GNAO1: variants seen among roughly 807,000 people sequenced by gnomAD.
The protein encoded by GNAO1 is guanine nucleotide-binding protein G(o) subunit alpha.
For missense variants in GNAO1, 166 were observed against 478.7 expected (o/e 0.35, Z 6.10); for synonymous variants, 164 against 180.7 (o/e 0.91, Z 0.74).
At chr16:56,263,272 T>C (rs898413735) in intron 2 of GNAO1, among the ~76,000 whole-genome samples, 3 of 152,212 alleles carry the variant, frequency 2.0e-5, no homozygotes, top group African/African-American at 7.2e-5. Flanking sequence ...AAAGGAGTTA[T>C]ATGTGGAGCC....
intron 3 of GNAO1, among the ~76,000 whole-genome samples, chr16:56,279,217 A>G (rs2037092173): frequency 6.6e-6 from 1 of 152,174 alleles, no homozygotes; most frequent in South Asian, 2.1e-4. Context: ...TAGAACAGGT[A>G]GGTGTCCCTG....
In GNAO1 at chr16:56,326,985, G is replaced by A. The variant is rs974747236; in HGVS notation, c.304-1646G>A. On this transcript the variant is annotated intron_variant, in intron 3 of 8. Transcript: ENST00000262493. The surrounding 1 kb of genome is among the most constrained non-coding windows in gnomAD (Gnocchi z 4.8). ...GGAGTCCGAAGGCACCTCATCTTGA[G>A]TCCCACCCCTGCCACTCACCATCGG... 1.3e-5 allele frequency among the ~76,000 whole-genome samples: 2 copies of A among 152,132 alleles called. No individual in the cohort carries two copies. The highest frequency in any genetic ancestry group is 2.9e-5 in the Non-Finnish European group (2 of 68,016).
intron 2 of GNAO1, among the ~76,000 whole-genome samples, chr16:56,257,949 T>C (rs1408732089): frequency 6.6e-6 from 1 of 152,228 alleles, no homozygotes; most frequent in African/African-American, 2.4e-5. Flanking sequence ...GACCAGCATG[T>C]CCGATTCTTC....
chr16:56,284,343 G>A (rs1478959049), intron 3 of GNAO1, among the ~76,000 whole-genome samples: 9 of 152,236 alleles, frequency 5.9e-5, no homozygotes, highest in South Asian at 2.1e-4. Flanking sequence ...AGGCTGGATC[G>A]GGCCGCAAGC....
intron 3 of GNAO1, among the ~76,000 whole-genome samples, chr16:56,320,501 G>C (rs554310863): frequency 6.6e-6 from 1 of 152,362 alleles, no homozygotes; most frequent in African/African-American, 2.4e-5. Flanking sequence ...CTGGAGCTCA[G>C]GTCTGGGTAG....
At chr16:56,211,073 C>T (rs1156389765) in intron 2 of GNAO1, among the ~76,000 whole-genome samples, 1 of 152,154 alleles carries the variant, frequency 6.6e-6, no homozygotes, top group Non-Finnish European at 1.5e-5. Context: ...AGTAGCAGAG[C>T]AAGCATGAAT....
At chr16:56,248,280 A>G (rs9934286) in intron 2 of GNAO1, among the ~76,000 whole-genome samples, 71,055 of 152,090 alleles carry the variant, frequency 0.47, 16,797 homozygotes, top group East Asian at 0.59. Context: ...GTCCATGTGT[A>G]TGAAAGAAGC....
At chr16:56,324,663 C>T (rs957713293) in intron 3 of GNAO1, among the ~76,000 whole-genome samples, 12 of 152,332 alleles carry the variant, frequency 7.9e-5, no homozygotes, top group South Asian at 4.1e-4. Flanking sequence ...GCCCAGGCCC[C>T]AGGGCTGGCT....
intron 6 of GNAO1, among the ~76,000 whole-genome samples, chr16:56,343,454 C>T (rs987381053): frequency 2.0e-5 from 3 of 149,322 alleles, no homozygotes; most frequent in Middle Eastern, 3.2e-3. Flanking sequence ...TACCACCACA[C>T]TCCAGCTTGA....
At position 56,265,096 on chromosome 16, in the gene GNAO1, C is replaced by T. The variant is rs537799526; in HGVS notation, c.162-10835C>T. Among the ~76,000 whole-genome samples the T allele has an allele frequency of 2.6e-5, 4 of 152,278 alleles. No homozygotes were observed. In the South Asian group the frequency reaches 8.3e-4, roughly 32 times the overall value. The stretch of plus-strand genomic sequence containing the variant: ...TTTCTGCCTCCCTTGGGAGAAGCAC[C>T]CTCGTGGTCAGACAAGCCCCCCAGC... On this transcript the variant is annotated intron_variant, in intron 2 of 8. Transcript: ENST00000262493.
intron 3 of GNAO1, among the ~76,000 whole-genome samples, chr16:56,315,163 G>A (rs1478254243): frequency 6.6e-6 from 1 of 152,196 alleles, no homozygotes; most frequent in Admixed American, 6.5e-5. Context: ...TGCACCTTAT[G>A]TGTAGCGCTG....
At chr16:56,313,890 C>G (rs897324044) in intron 3 of GNAO1, among the ~76,000 whole-genome samples, 2 of 152,160 alleles carry the variant, frequency 1.3e-5, no homozygotes, top group African/African-American at 4.8e-5. Flanking sequence ...AGGGGGCCAC[C>G]ATGCCTGGCT....
At chr16:56,258,150 A>G (rs746211546) in intron 2 of GNAO1, among the ~76,000 whole-genome samples, 1 of 152,210 alleles carries the variant, frequency 6.6e-6, no homozygotes, top group Non-Finnish European at 1.5e-5. Flanking sequence ...AGGCCAGCCA[A>G]TCACTCTGAT....
At chr16:56,296,139 T>C (rs2037286087) in intron 3 of GNAO1, among the ~76,000 whole-genome samples, 1 of 152,360 alleles carries the variant, frequency 6.6e-6, no homozygotes, top group East Asian at 1.9e-4. Context: ...AGTTTGAATT[T>C]GTGTTTGGCT....
intron 6 of GNAO1, chr16:56,345,661 G>A (rs2037859554): frequency 2.0e-6 from 2 of 985,522 alleles, no homozygotes; most frequent in Non-Finnish European, 2.4e-6. Flanking sequence ...CCTTGCACCA[G>A]GTGCTGGGAC....
intron 3 of GNAO1, among the ~76,000 whole-genome samples, chr16:56,327,790 C>G (rs1246574549): frequency 6.6e-6 from 1 of 152,138 alleles, no homozygotes; most frequent in Non-Finnish European, 1.5e-5. Flanking sequence ...TCTACACCCA[C>G]TCAGACAAGG....
At chr16:56,279,521 C>T (rs748748047) in intron 3 of GNAO1, among the ~76,000 whole-genome samples, 26 of 152,170 alleles carry the variant, frequency 1.7e-4, no homozygotes, top group South Asian at 6.2e-4. Context: ...CCTCTAGTGC[C>T]GTCCTCTTTT....
At chr16:56,196,803 G>A (rs1333757751) in intron 2 of GNAO1, among the ~76,000 whole-genome samples, 4 of 152,152 alleles carry the variant, frequency 2.6e-5, no homozygotes, top group African/African-American at 9.7e-5. Flanking sequence ...CACAGTACCT[G>A]CTTAGTGCCA....
intron 6 of GNAO1, among the ~76,000 whole-genome samples, chr16:56,337,295 G>A (rs530064913): frequency 4.6e-5 from 7 of 152,344 alleles, no homozygotes; most frequent in South Asian, 2.1e-4. Context: ...GCATGGGGCC[G>A]GGGATGCTGA....
Sources: allele counts gnomAD v4.1 joint callset (sites outside exome capture counted in the v4.1 genomes callset), GRCh38; gene constraint gnomAD v4.1.1; non-coding constraint Gnocchi (gnomAD v3.1); transcripts MANE v1.5; gene names NCBI Gene and HGNC (gene_info 2026-07-23, HGNC 2026-07-21).